The following NRDC variants were observed in gnomAD, a reference collection of about 807,000 sequenced individuals.
NRDC encodes nardilysin.
A neutral mutation model predicts 147.1 loss-of-function variants in NRDC; 54 were observed. That is an observed-to-expected ratio of 0.37 (90% CI 0.29 to 0.46). The LOEUF is 0.46. Among genes scored for constraint, NRDC ranks in the 20% least tolerant of loss-of-function variants. The pLI is 1.00. For missense variants in NRDC, 1,082 were observed against 1,370.6 expected, an observed-to-expected ratio of 0.79 and a Z score of 3.33; for synonymous variants, 440 against 482.1, an observed-to-expected ratio of 0.91 and a Z score of 1.14.
chr1:51,867,992 CAGGATGGA>C (rs1682899977), intron 1 of NRDC, among the ~76,000 whole-genome samples: 1 of 152,064 alleles, frequency 6.6e-6, no homozygotes, highest in African/African-American at 2.4e-5. Context: ...ACTGATGATG[CAGGATGGA>C]AGGAGAACAA....
chr1:51,836,996 G>C lies in NRDC; in HGVS notation c.631-784C>G, dbSNP rs528449996. On this transcript the variant is annotated intron_variant, in intron 2 of 30. Coordinates refer to ENST00000352171, the MANE Select transcript of NRDC (RefSeq NM_001101662.2). ...GGGGTCTTGCTATGAGGCCCAGGCT[G>C]GTCTCAAACTCCTGGACTCAAACAA... 6.7e-5 allele frequency among the ~76,000 whole-genome samples: 10 copies of C among 148,306 alleles called. No homozygotes were observed. The South Asian group carries it at 1.5e-3, about 22-fold the overall frequency.
At chr1:51,824,325 C>T (rs1680348588) in intron 6 of NRDC, among the ~76,000 whole-genome samples, 1 of 151,954 alleles carries the variant, frequency 6.6e-6, no homozygotes, top group Non-Finnish European at 1.5e-5. Context: ...GGGGTTTCAC[C>T]ATCTTGGCCA....
chr1:51,816,429 G>A, intron 10 of NRDC, 40 bp from the exon 11 acceptor site: 2 of 1,243,364 alleles, frequency 1.6e-6, no homozygotes, highest in Non-Finnish European at 2.2e-6. Flanking sequence ...AAAAACAAAA[G>A]GTATAAATAC....
At position 51,790,933 on chromosome 1, in the gene NRDC, A is replaced by G; in HGVS notation, c.3018T>C (p.Ile1006=). The change falls in exon 28 of 31, where the codon ATT becomes ATC. Residue 1006 remains isoleucine (I), a synonymous_variant. Coordinates refer to ENST00000352171, the MANE Select transcript of NRDC (RefSeq NM_001101662.2). ...TGAATGCCTCTTCAGTGAGGTTCTC[A>G]ATCTTCTCCTCAAAGCTAGAAAGAA... ...EEFLSSFEEK[I]ENLTEEAFNT... 6.2e-7 allele frequency: 1 copy of G among 1,613,984 alleles called. No homozygotes were observed. The highest frequency in any genetic ancestry group is 8.5e-7 in the Non-Finnish European group (1 of 1,179,918).
intron 28 of NRDC, 56 bp from the exon 29 acceptor site, chr1:51,790,705 A>G (rs1678584917): frequency 1.6e-6 from 2 of 1,271,674 alleles, no homozygotes; most frequent in East Asian, 4.6e-5. Flanking sequence ...CTTCCCACAG[A>G]ACACACTGGG....
Position 51,878,703 on chromosome 1 carries a change from T to A in NRDC, c.-88A>T. On this transcript the variant is annotated 5_prime_UTR_variant, in exon 1 of 31. Coordinates refer to ENST00000352171, the MANE Select transcript of NRDC (RefSeq NM_001101662.2). ...AGGCGGTGGCGGCCGGCCCTGGTGCTGCCGCAGCCGCGGGGAACAGGCCTG... is the reference window on the plus strand; with the variant it reads ...AGGCGGTGGCGGCCGGCCCTGGTGCAGCCGCAGCCGCGGGGAACAGGCCTG... 2 of 1,205,768 alleles carry A rather than the reference T, an allele frequency of 1.7e-6. No homozygotes were observed. Among genetic ancestry groups the A allele is most frequent in the Non-Finnish European group, 1.2e-6 (1 of 856,130 alleles). The allele number at this position is 1,205,768 out of a possible 1,614,324, so 74.7% of individuals were successfully genotyped here. A position where few individuals can be genotyped will look rare whatever the true frequency, so the allele number is the denominator to read the frequency against.
At chr1:51,841,121 CA>C (rs1243715418) in intron 1 of NRDC, among the ~76,000 whole-genome samples, 1 of 152,148 alleles carries the variant, frequency 6.6e-6, no homozygotes, top group Non-Finnish European at 1.5e-5. Context: ...TTTTTTGAGA[CA>C]GAGTTTGCTT....
intron 20 of NRDC, 72 bp from the exon 21 acceptor site, chr1:51,800,755 CTT>C: frequency 6.6e-7 from 1 of 1,513,456 alleles, no homozygotes; most frequent in South Asian, 1.2e-5. Context: ...AAATGTTTCT[CTT>C]TGGTTTTTAC....
At chr1:51,840,134 T>C in intron 2 of NRDC, 92 bp downstream of exon 2, 2 of 992,808 alleles carry the variant, frequency 2.0e-6, no homozygotes. Context: ...AAGATAACTA[T>C]ATACTTCCTT....
chr1:51,849,104 G>C (rs1357662211), intron 1 of NRDC, among the ~76,000 whole-genome samples: 1 of 152,130 alleles, frequency 6.6e-6, no homozygotes, highest in Non-Finnish European at 1.5e-5. Context: ...ACCCCAACAA[G>C]GGCCGGATGC....
chr1:51,820,410 CCTGT>C (rs968232991), intron 8 of NRDC, among the ~76,000 whole-genome samples: 2 of 152,006 alleles, frequency 1.3e-5, no homozygotes, highest in African/African-American at 2.4e-5. Context: ...GAATTTTTAA[CCTGT>C]CTAATTAAGG....
chr1:51,832,029 C>A (rs893168886), intron 4 of NRDC, among the ~76,000 whole-genome samples: 4 of 152,024 alleles, frequency 2.6e-5, no homozygotes, highest in South Asian at 4.2e-4. Context: ...GAGATAATTT[C>A]TTTTTATTTT....
At position 51,792,369 on chromosome 1, in the gene NRDC, G is replaced by GC. The variant is rs759813276; in HGVS notation, c.2823+7dup. 2.6e-5 allele frequency: 42 copies of GC among 1,613,688 alleles called. No homozygotes were observed. Among genetic ancestry groups the GC allele is most frequent in the Non-Finnish European group, 3.5e-5 (41 of 1,179,754 alleles). ...CTGAAAACCTCAGCATCTCCTTTAT[G>GC]CACTTACCACAAGCAGCTCCATAAG... On this transcript the variant is annotated splice_region_variant and intron_variant, in intron 25 of 30. Transcript: ENST00000352171.
At chr1:51,817,859 C>A (rs1051243223) in intron 10 of NRDC, among the ~76,000 whole-genome samples, 1 of 152,166 alleles carries the variant, frequency 6.6e-6, no homozygotes, top group Non-Finnish European at 1.5e-5. Flanking sequence ...TTAAGAAAGG[C>A]CACTATAACT....
chr1:51,811,962 A>G, intron 15 of NRDC, 32 bp downstream of exon 15: 1 of 1,439,360 alleles, frequency 6.9e-7, no homozygotes, highest in Non-Finnish European at 9.8e-7. Context: ...TCTTCCCCTA[A>G]AAGTAAGTTT....
chr1:51,851,652 A>G (rs1681955631), intron 1 of NRDC, among the ~76,000 whole-genome samples: 1 of 152,134 alleles, frequency 6.6e-6, no homozygotes, highest in Non-Finnish European at 1.5e-5. Flanking sequence ...CTGGACCCCT[A>G]AATTTTAAAA....
chr1:51,819,772 A>C (rs1680131451), intron 9 of NRDC, 28 bp downstream of exon 9: 1 of 1,548,902 alleles, frequency 6.5e-7, no homozygotes, highest in Non-Finnish European at 8.8e-7. Context: ...CATTATTTCA[A>C]ACAGTTTTAA....
Position 51,816,317 on chromosome 1 carries a change from C to G in NRDC, c.1434G>C (p.Arg478Ser). 1.3e-6 allele frequency: 2 copies of G among 1,590,674 alleles called. No individual in the cohort carries two copies. Among genetic ancestry groups the G allele is most frequent in the Non-Finnish European group, 1.7e-6 (2 of 1,167,728 alleles). Reference protein sequence around the residue: ...EGKGSILSFLRKKCWALALFG... With the variant: ...EGKGSILSFLSKKCWALALFG... The stretch of plus-strand genomic sequence containing the variant: ...CTTATTAATTGAATACTTGCTTTTT[C>G]CTAAGGAAAGAAAGAATGCTGCCTT... Residue 478 changes from arginine (R) to serine (S), a missense_variant, in exon 11 of 31, where the codon AGG becomes AGC. Coordinates refer to ENST00000352171, the MANE Select transcript of NRDC (RefSeq NM_001101662.2).
At chr1:51,846,783 C>T (rs1681643691) in intron 1 of NRDC, among the ~76,000 whole-genome samples, 1 of 152,216 alleles carries the variant, frequency 6.6e-6, no homozygotes, top group Non-Finnish European at 1.5e-5. Flanking sequence ...TCTTATCTGG[C>T]CCCACCCACA....
Sources: allele counts gnomAD v4.1 joint callset (sites outside exome capture counted in the v4.1 genomes callset), GRCh38; gene constraint gnomAD v4.1.1; transcripts MANE v1.5; gene names NCBI Gene and HGNC (gene_info 2026-07-23, HGNC 2026-07-21).